Variants in ODF2 observed in about 807,000 individuals in gnomAD.
ODF2 encodes outer dense fiber of sperm tails 2.
A neutral mutation model predicts 110.2 loss-of-function variants in ODF2; 47 were observed. The observed-to-expected ratio is 0.43, with a 90% confidence interval of 0.34 to 0.54. The LOEUF is 0.54. Among genes scored for constraint, ODF2 ranks in the 20% least tolerant of loss-of-function variants. The probability of loss-of-function intolerance (pLI) is 0.03; values close to 1 mark genes in which losing one functional copy is unlikely to be tolerated. For missense variants in ODF2, 812 were observed against 1,054.5 expected, an observed-to-expected ratio of 0.77 and a Z score of 3.19; for synonymous variants, 352 against 397.7, an observed-to-expected ratio of 0.89 and a Z score of 1.37.
chr9:128,484,522 G>A (rs966346932), intron 11 of ODF2, among the ~76,000 whole-genome samples, 179 bp from the exon 12 acceptor site: 14 of 152,186 alleles, frequency 9.2e-5, no homozygotes, highest in African/African-American at 3.4e-4. Context: ...AGCTGGGAGG[G>A]ACTGTGTCTC....
chr9:128,460,794 G>T (rs1017378753), intron 3 of ODF2, 128 bp downstream of exon 3: 7 of 1,519,578 alleles, frequency 4.6e-6, no homozygotes, highest in Middle Eastern at 1.8e-4. Flanking sequence ...CGGTTTCCTG[G>T]TTAGAAGGTA....
downstream of ODF2, chr9:128,500,517 GT>G (rs1204429950): frequency 4.7e-6 from 2 of 422,508 alleles, no homozygotes; most frequent in Non-Finnish European, 8.5e-6. Flanking sequence ...CTACATTAGG[GT>G]ACCACATTTT....
At chr9:128,457,188 A>G (rs1564448210) in intron 1 of ODF2, 3 of 1,533,796 alleles carry the variant, frequency 2.0e-6, no homozygotes, top group East Asian at 2.5e-5. Flanking sequence ...ATTTCCCCCT[A>G]CTTTGGCAGG....
At chr9:128,456,759 G>A (rs761518125) in intron 1 of ODF2, 8 of 442,298 alleles carry the variant, frequency 1.8e-5, no homozygotes, top group Non-Finnish European at 2.1e-5. Flanking sequence ...CTCGCCCGGC[G>A]GGGGGGGGTC....
In ODF2 at chr9:128,485,597, T is replaced by C; in HGVS notation, c.1400+123T>C. Reference sequence around the variant, plus strand: ...TGTTTGTACTCTCCGGGTTGGGGGCTGCACTGGGCTGTGATGTGGGTAGCC... The same window carrying C: ...TGTTTGTACTCTCCGGGTTGGGGGCCGCACTGGGCTGTGATGTGGGTAGCC... On this transcript the variant is annotated intron_variant, in intron 13 of 20. Coordinates refer to ENST00000604420, the Ensembl canonical transcript of ODF2. This position sits in a 1 kb window ranked among gnomAD's most constrained non-coding sequence, Gnocchi z 5.0. 1.6e-6 allele frequency: 1 copy of C among 622,434 alleles called. No homozygotes were observed. Among genetic ancestry groups the C allele is most frequent in the Non-Finnish European group, 2.9e-6 (1 of 341,914 alleles). 38.6% of individuals were successfully genotyped at this position (622,434 alleles called of 1,614,324 possible). A position where few individuals can be genotyped will look rare whatever the true frequency, so the allele number is the denominator to read the frequency against.
intron 9 of ODF2, among the ~76,000 whole-genome samples, chr9:128,481,870 A>G (rs1310110615): frequency 1.3e-5 from 2 of 152,202 alleles, no homozygotes; most frequent in African/African-American, 4.8e-5. Context: ...AAAGCTGGAC[A>G]CCAACATAGA....
At chr9:128,486,933 T>G (rs1230350080) in intron 13 of ODF2, among the ~76,000 whole-genome samples, 1 of 152,182 alleles carries the variant, frequency 6.6e-6, no homozygotes. Context: ...CAGAAGCGTC[T>G]GTCCTAACAC....
At chr9:128,459,470 T>C in intron 2 of ODF2, 97 bp from the exon 2 acceptor site, 2 of 952,622 alleles carry the variant, frequency 2.1e-6, no homozygotes, top group Non-Finnish European at 3.3e-6. Context: ...GCCATGAACA[T>C]GTTAGCTACC....
At chr9:128,491,673 TAAAC>T (rs1410538442) in intron 14 of ODF2, among the ~76,000 whole-genome samples, 2 of 151,286 alleles carry the variant, frequency 1.3e-5, no homozygotes, top group African/African-American at 4.9e-5. Flanking sequence ...CAAAAAAAAA[TAAAC>T]AAATAAAAAG....
chr9:128,495,326 G>A (rs2132276760), intron 17 of ODF2, among the ~76,000 whole-genome samples: 1 of 152,352 alleles, frequency 6.6e-6, no homozygotes. Flanking sequence ...TCTGTGAGGT[G>A]CATGTGTTAT....
chr9:128,468,022 T>A (rs1838751798), intron 4 of ODF2, among the ~76,000 whole-genome samples: 1 of 152,146 alleles, frequency 6.6e-6, no homozygotes, highest in Non-Finnish European at 1.5e-5. Flanking sequence ...CTGACGTATT[T>A]AAAAAGTATT....
exon 1 of ODF2, chr9:128,456,175 G>A (rs1282420429): frequency 6.5e-7 from 1 of 1,549,274 alleles, no homozygotes; most frequent in African/African-American, 1.4e-5. Context: ...ATCCGCCGCG[G>A]CGTCTCCATG....
intron 7 of ODF2, 173 bp from the exon 8 acceptor site, chr9:128,473,437 C>A: frequency 1.4e-6 from 1 of 712,440 alleles, no homozygotes; most frequent in Non-Finnish European, 1.7e-6. Flanking sequence ...TTAGCTCCTG[C>A]TTGTCCCTTT....
chr9:128,499,022 G>A lies in ODF2; in HGVS notation c.2197G>A (p.Ala733Thr), dbSNP rs764728500. Residue 733 changes from alanine (A) to threonine (T), a missense_variant, in exon 20 of 21, where the codon GCA becomes ACA. This residue lies in a region of ODF2 where 234 missense variants were observed against 245.3 expected (regional missense o/e 0.95). Transcript: ENST00000604420. Reference sequence around the variant, plus strand: ...GCAGGTGGAACAAACCAAGGAGCACGCACTCTCCAAGGAGCGAGCAGCCCA... The same window carrying A: ...GCAGGTGGAACAAACCAAGGAGCACACACTCTCCAAGGAGCGAGCAGCCCA... 2.5e-6 allele frequency: 4 copies of A among 1,614,060 alleles called. No individual in the cohort carries two copies. In the South Asian group the frequency reaches 3.3e-5, roughly 13 times the overall value.
At chr9:128,484,548 G>A (rs1843013453) in intron 11 of ODF2, among the ~76,000 whole-genome samples, 153 bp from the exon 12 acceptor site, 1 of 152,162 alleles carries the variant, frequency 6.6e-6, no homozygotes. Flanking sequence ...CGAGTTAGGG[G>A]AGCCTCTCAC....
exon 7 of ODF2, chr9:128,472,984 G>A: frequency 6.2e-7 from 1 of 1,614,162 alleles, no homozygotes; most frequent in Non-Finnish European, 8.5e-7. Flanking sequence ...GAAATGGATG[G>A]GGCTGCGGCT....
In ODF2 at chr9:128,483,934, A is replaced by T; in HGVS notation, c.988-4A>T. On this transcript the variant is annotated splice_region_variant and splice_polypyrimidine_tract_variant and intron_variant, in intron 10 of 20. Coordinates refer to ENST00000604420, the Ensembl canonical transcript of ODF2. ...CCTCCATCACTTTTTCCGTCTCTCC[A>T]CAGGCTCAAGCAAAGACAGCCTCTG... 1 of 1,606,958 alleles carries T rather than the reference A, an allele frequency of 6.2e-7. No homozygotes were observed. Among genetic ancestry groups the T allele is most frequent in the Non-Finnish European group, 8.5e-7 (1 of 1,173,780 alleles).
chr9:128,490,639 T>C (rs1442848818), intron 14 of ODF2, among the ~76,000 whole-genome samples: 2 of 152,144 alleles, frequency 1.3e-5, no homozygotes, highest in Admixed American at 6.6e-5. Context: ...TTCAAAACAT[T>C]ACAGAAATGT....
At chr9:128,467,867 G>T (rs891625144) in intron 4 of ODF2, among the ~76,000 whole-genome samples, 2 of 151,382 alleles carry the variant, frequency 1.3e-5, no homozygotes, top group Non-Finnish European at 2.9e-5. Context: ...CTGCTACCAC[G>T]CCCGGCTAAT....
Sources: allele counts gnomAD v4.1 joint callset (sites outside exome capture counted in the v4.1 genomes callset), GRCh38; gene constraint gnomAD v4.1.1; regional missense constraint gnomAD v4.1.1; non-coding constraint Gnocchi (gnomAD v3.1); transcripts MANE v1.5; gene names NCBI Gene and HGNC (gene_info 2026-07-23, HGNC 2026-07-21).